Variants in TENM4 observed in about 807,000 individuals in gnomAD.
TENM4 encodes teneurin-4.
A neutral mutation model predicts 243.3 loss-of-function variants in TENM4; 82 were observed. The ratio of observed to expected loss-of-function variants is 0.34; its 90% CI spans 0.28 to 0.40. The LOEUF is 0.40. Ranked by LOEUF, TENM4 falls within the 10% of genes least tolerant of loss-of-function variation. The pLI is 1.00. For synonymous variants in TENM4, 1,412 were observed against 1,456.3 expected (o/e 0.97, Z 0.69); for missense variants, 3,138 against 3,673.3 (o/e 0.85, Z 3.77).
In TENM4 at chr11:79,429,657, T is replaced by C. The variant is rs531013493; in HGVS notation, c.-321+10852A>G. On this transcript the variant is annotated intron_variant, in intron 1 of 33. Transcript: ENST00000278550. The stretch of plus-strand genomic sequence containing the variant: ...AGCAGAGAATTCAACCCAAAACCTG[T>C]TGGCATTTTTTCACTGTCTTATATG... Among the ~76,000 whole-genome samples, 275 of 152,340 alleles carry C rather than the reference T, an allele frequency of 1.8e-3. 1 individual carries two copies. The highest frequency in any genetic ancestry group is 6.2e-3 in the African/African-American group (258 of 41,576).
At chr11:79,358,494 G>C (rs76246075) in intron 1 of TENM4, among the ~76,000 whole-genome samples, 1 of 152,070 alleles carries the variant, frequency 6.6e-6, no homozygotes, top group Non-Finnish European at 1.5e-5. Context: ...GGGAAAGCAG[G>C]ACACAAACTG....
intron 3 of TENM4, among the ~76,000 whole-genome samples, chr11:79,177,475 G>C (rs1275203221): frequency 6.6e-6 from 1 of 151,370 alleles, no homozygotes; most frequent in East Asian, 1.9e-4. Flanking sequence ...AGCACCCATA[G>C]GTATTGCTCT....
intron 6 of TENM4, among the ~76,000 whole-genome samples, chr11:79,027,374 T>C (rs905146810): frequency 6.6e-6 from 1 of 152,180 alleles, no homozygotes; most frequent in African/African-American, 2.4e-5. Flanking sequence ...TTGGGGAATG[T>C]GGACTTTCCC....
chr11:79,187,164 T>A (rs1040430752), intron 3 of TENM4, among the ~76,000 whole-genome samples: 6 of 152,190 alleles, frequency 3.9e-5, no homozygotes, highest in Admixed American at 2.0e-4. Flanking sequence ...GCTGTTGAAC[T>A]CCAGGGCAAC....
In TENM4 at chr11:78,712,734, C is replaced by A. The variant is rs199576994; in HGVS notation, c.3822-20G>T. 154 of 1,606,648 alleles carry A rather than the reference C, an allele frequency of 9.6e-5. No homozygotes were observed. In the African/African-American group the frequency reaches 1.5e-3, roughly 16 times the overall value. ...CTGTGACTAGAAAACAAAGACATGG[C>A]CAACTGGTGAGCATTTTCTTCTTCC... On this transcript the variant is annotated intron_variant, in intron 25 of 33. Coordinates refer to ENST00000278550, the MANE Select transcript of TENM4 (RefSeq NM_001098816.3).
At chr11:79,091,096 G>A (rs146344491) in intron 4 of TENM4, among the ~76,000 whole-genome samples, 1 of 152,268 alleles carries the variant, frequency 6.6e-6, no homozygotes, top group African/African-American at 2.4e-5. Flanking sequence ...TCTTACTCCC[G>A]GTCCAGCCTA....
chr11:78,848,724 T>A (rs1858458914), intron 12 of TENM4, among the ~76,000 whole-genome samples: 1 of 152,130 alleles, frequency 6.6e-6, no homozygotes, highest in Non-Finnish European at 1.5e-5. Context: ...TCTCCCTTAA[T>A]CTGGACTATG....
At chr11:79,314,715 G>A (rs1856776722) in intron 1 of TENM4, among the ~76,000 whole-genome samples, 1 of 152,242 alleles carries the variant, frequency 6.6e-6, no homozygotes, top group East Asian at 1.9e-4. Flanking sequence ...AGGAGGAAGA[G>A]GAAAAGGGGT....
intron 4 of TENM4, among the ~76,000 whole-genome samples, chr11:79,075,228 G>A (rs1860511280): frequency 6.6e-6 from 1 of 152,184 alleles, no homozygotes; most frequent in Non-Finnish European, 1.5e-5. Context: ...TTGATGAAGA[G>A]CCTGCGGCTT....
At chr11:78,704,034 TACACACACACACACACAC>T (rs375601895) in intron 27 of TENM4, among the ~76,000 whole-genome samples, 1 of 138,272 alleles carries the variant, frequency 7.2e-6, no homozygotes, top group South Asian at 2.3e-4. Flanking sequence ...CATATATATA[TACACACACACACACACAC>T]ACACACACAC....
intron 1 of TENM4, among the ~76,000 whole-genome samples, chr11:79,331,934 G>A (rs1318611124): frequency 1.3e-5 from 2 of 152,196 alleles, no homozygotes; most frequent in African/African-American, 4.8e-5. Context: ...AGCCTGTCAG[G>A]TTTTGGTGCT....
chr11:79,234,222 G>T (rs1864423358), intron 2 of TENM4, among the ~76,000 whole-genome samples: 1 of 152,138 alleles, frequency 6.6e-6, no homozygotes, highest in African/African-American at 2.4e-5. Context: ...TCCTCTGAAT[G>T]CTTCATTCAT....
At chr11:79,170,044 T>C (rs767236072) in intron 3 of TENM4, among the ~76,000 whole-genome samples, 65 of 152,180 alleles carry the variant, frequency 4.3e-4, no homozygotes, top group Non-Finnish European at 1.5e-4. Flanking sequence ...TTTGGGCTTT[T>C]TGACATTCCC....
At chr11:79,001,723 C>G (rs1312823283) in intron 6 of TENM4, among the ~76,000 whole-genome samples, 1 of 152,176 alleles carries the variant, frequency 6.6e-6, no homozygotes, top group Non-Finnish European at 1.5e-5. Context: ...CCAGTCTGAA[C>G]TAATTGCCCC....
intron 27 of TENM4, among the ~76,000 whole-genome samples, chr11:78,704,157 G>GTA (rs1201390547): frequency 8.5e-5 from 6 of 70,528 alleles, no homozygotes; most frequent in Non-Finnish European, 1.4e-4. Context: ...ATGTATGTGT[G>GTA]TCTATATATA....
At chr11:78,860,693 C>T (rs79801736) in intron 10 of TENM4, among the ~76,000 whole-genome samples, 4,668 of 152,274 alleles carry the variant, frequency 0.031, 218 homozygotes, top group African/African-American at 0.11. Context: ...CTATAGGAAG[C>T]TTTGTCCTCT....
intron 3 of TENM4, among the ~76,000 whole-genome samples, chr11:79,174,359 T>G (rs1212458376): frequency 2.0e-5 from 3 of 152,168 alleles, no homozygotes; most frequent in Non-Finnish European, 4.4e-5. Flanking sequence ...AGTGAAAGAC[T>G]GGGCTGGAAT....
chr11:79,010,748 A>T (rs779903961), intron 6 of TENM4, among the ~76,000 whole-genome samples: 6 of 152,144 alleles, frequency 3.9e-5, no homozygotes, highest in Non-Finnish European at 7.4e-5. Context: ...CCCTCCAACA[A>T]CATGTGGGAA....
At chr11:79,276,545 C>T (rs1442339934) in intron 2 of TENM4, among the ~76,000 whole-genome samples, 2 of 152,182 alleles carry the variant, frequency 1.3e-5, no homozygotes, top group Non-Finnish European at 2.9e-5. Context: ...GCATCTTTCT[C>T]CTAGCGCAGG....
Sources: allele counts gnomAD v4.1 joint callset (sites outside exome capture counted in the v4.1 genomes callset), GRCh38; gene constraint gnomAD v4.1.1; transcripts MANE v1.5; gene names NCBI Gene and HGNC (gene_info 2026-07-23, HGNC 2026-07-21).